NALF1: variants seen among roughly 807,000 people sequenced by gnomAD.
NALF1 encodes the protein NALCN channel auxiliary factor 1.
Under a neutral mutation model 48.4 loss-of-function variants are expected in NALF1, and 3 were observed. That is an observed-to-expected ratio of 0.06 (90% CI 0.03 to 0.16). The LOEUF is 0.16. Among genes scored for constraint, NALF1 ranks in the 10% least tolerant of loss-of-function variants. The probability of loss-of-function intolerance (pLI) is 1.00; values close to 1 mark genes in which losing one functional copy is unlikely to be tolerated. For synonymous variants in NALF1, 262 were observed against 245.7 expected (o/e 1.07, Z -0.62); for missense variants, 526 against 571.5 (o/e 0.92, Z 0.81).
At chr13:107,807,335 T>C (rs1321443460) in intron 1 of NALF1, among the ~76,000 whole-genome samples, 2 of 152,182 alleles carry the variant, frequency 1.3e-5, no homozygotes, top group Non-Finnish European at 2.9e-5. Flanking sequence ...CCTGGATGAC[T>C]CTGCAAGAAC....
At chr13:107,659,843 C>T (rs1236247501) in intron 1 of NALF1, among the ~76,000 whole-genome samples, 3 of 150,832 alleles carry the variant, frequency 2.0e-5, no homozygotes, top group Non-Finnish European at 4.4e-5. Flanking sequence ...TGTAGTCTCG[C>T]TCTGTTGCCC....
intron 1 of NALF1, among the ~76,000 whole-genome samples, chr13:107,730,433 T>C (rs1203069710): frequency 1.3e-5 from 2 of 152,192 alleles, no homozygotes; most frequent in African/African-American, 4.8e-5. Flanking sequence ...TTAAAAACAA[T>C]ATCTAAGCAC....
At position 107,173,493 on chromosome 13, in the gene NALF1, C is replaced by A. The variant is rs1878847223; in HGVS notation, c.1088-2707G>T. ...TAACTCATTCAACCCAAATGCATTGCCAGTTCTTTCAGCTGCATGAAGTGT... is the reference window on the plus strand; with the variant it reads ...TAACTCATTCAACCCAAATGCATTGACAGTTCTTTCAGCTGCATGAAGTGT... On this transcript the variant is annotated intron_variant, in intron 2 of 2. Coordinates refer to ENST00000375915, the MANE Select transcript of NALF1 (RefSeq NM_001080396.3). Among the ~76,000 whole-genome samples, 3 of 152,090 alleles carry A rather than the reference C, an allele frequency of 2.0e-5. No individual in the cohort carries two copies. The South Asian group carries it at 6.2e-4, about 32-fold the overall frequency.
At chr13:107,832,639 C>T (rs1879775095) in intron 1 of NALF1, among the ~76,000 whole-genome samples, 1 of 152,162 alleles carries the variant, frequency 6.6e-6, no homozygotes, top group African/African-American at 2.4e-5. Context: ...TCCTTCGCAA[C>T]TCCTCGTTCT....
chr13:107,735,710 C>T (rs996028962), intron 1 of NALF1, among the ~76,000 whole-genome samples: 1 of 152,158 alleles, frequency 6.6e-6, no homozygotes, highest in Admixed American at 6.5e-5. Context: ...GTACAAATAG[C>T]TGCAGTCTTA....
intron 1 of NALF1, among the ~76,000 whole-genome samples, chr13:107,470,850 TAA>T (rs1473847971): frequency 1.3e-5 from 2 of 152,144 alleles, no homozygotes; most frequent in Non-Finnish European, 1.5e-5. Flanking sequence ...AATAATAATA[TAA>T]GATTATTAAT....
At chr13:107,556,338 CATATAT>C (rs770324548) in intron 1 of NALF1, among the ~76,000 whole-genome samples, 1 of 147,586 alleles carries the variant, frequency 6.8e-6, no homozygotes, top group African/African-American at 2.5e-5. Flanking sequence ...TATACACACA[CATATAT>C]ATATATAGAG....
At chr13:107,697,146 A>G (rs1881718518) in intron 1 of NALF1, among the ~76,000 whole-genome samples, 1 of 152,310 alleles carries the variant, frequency 6.6e-6, no homozygotes, top group South Asian at 2.1e-4. Context: ...GTTACTGCCT[A>G]AGGTCACATA....
chr13:107,617,188 G>C (rs1027274199), intron 1 of NALF1, among the ~76,000 whole-genome samples: 2 of 152,096 alleles, frequency 1.3e-5, no homozygotes, highest in African/African-American at 2.4e-5. Context: ...CTTCAGAACT[G>C]AAGCATAAAG....
chr13:107,718,772 A>G (rs1875898701), intron 1 of NALF1, among the ~76,000 whole-genome samples: 1 of 152,198 alleles, frequency 6.6e-6, no homozygotes, highest in African/African-American at 2.4e-5. Flanking sequence ...TATGGCAGCC[A>G]ATAGCTACTT....
chr13:107,491,451 C>A (rs1277192796), intron 1 of NALF1, among the ~76,000 whole-genome samples: 1 of 143,516 alleles, frequency 7.0e-6, no homozygotes, highest in Non-Finnish European at 1.5e-5. Context: ...TCGGGCTCCA[C>A]TCAGGGAGCT....
chr13:107,167,408 G>A lies in NALF1; in HGVS notation c.*3089C>T, dbSNP rs186587346. Reference sequence around the variant, plus strand: ...GGATGTAGTGAAATCTGCATCATCAGTGATTGTTTCTGAGCTTGGGAAAGG... The same window carrying A: ...GGATGTAGTGAAATCTGCATCATCAATGATTGTTTCTGAGCTTGGGAAAGG... On this transcript the variant is annotated 3_prime_UTR_variant, in exon 3 of 3. Transcript: ENST00000375915. 6.6e-6 allele frequency: 1 copy of A among 152,324 alleles called. No individual in the cohort carries two copies. The highest frequency in any genetic ancestry group is 6.5e-5 in the Admixed American group (1 of 15,310). The allele number at this position is 152,324 out of a possible 1,614,324, so 9.4% of individuals were successfully genotyped here.
chr13:107,254,322 G>A lies in NALF1; in HGVS notation c.916-43567C>T, dbSNP rs146975058. Among the ~76,000 whole-genome samples, 490 of 152,224 alleles carry A rather than the reference G, an allele frequency of 3.2e-3. 4 individuals are homozygous for A. Among genetic ancestry groups the A allele is most frequent in the African/African-American group, 0.011 (452 of 41,544 alleles). ...TGGTTGTTGGGTGGAAAGCACGCAC[G>A]CTCAGCCTTACGCCATACTGAACAG... is the stretch of plus-strand genomic sequence containing the variant. On this transcript the variant is annotated intron_variant, in intron 1 of 2. Transcript: ENST00000375915.
chr13:107,763,709 A>G (rs1469943429), intron 1 of NALF1, among the ~76,000 whole-genome samples: 1 of 152,178 alleles, frequency 6.6e-6, no homozygotes, highest in African/African-American at 2.4e-5. Context: ...AGGGATACAC[A>G]ATGCAAACAT....
chr13:107,200,364 A>G (rs1262633889), intron 2 of NALF1, among the ~76,000 whole-genome samples: 1 of 152,090 alleles, frequency 6.6e-6, no homozygotes, highest in African/African-American at 2.4e-5. Context: ...ATGATGAATG[A>G]GCTCGGGGGG....
chr13:107,739,392 CAT>C (rs1876563422), intron 1 of NALF1, among the ~76,000 whole-genome samples: 1 of 147,520 alleles, frequency 6.8e-6, no homozygotes, highest in Non-Finnish European at 1.5e-5. Context: ...TAAAATATTA[CAT>C]ATTACATATG....
intron 1 of NALF1, among the ~76,000 whole-genome samples, chr13:107,434,356 G>A (rs1034327336): frequency 6.6e-6 from 1 of 152,030 alleles, no homozygotes; most frequent in African/African-American, 2.4e-5. Flanking sequence ...CTCAGTAAGT[G>A]AAGTGGGATC....
chr13:107,312,157 G>A (rs1256401073), intron 1 of NALF1, among the ~76,000 whole-genome samples: 1 of 152,112 alleles, frequency 6.6e-6, no homozygotes, highest in Non-Finnish European at 1.5e-5. Context: ...CAATAGCGAA[G>A]ACTTGGAACC....
chr13:107,568,898 A>C (rs574529484), intron 1 of NALF1, among the ~76,000 whole-genome samples: 1 of 152,272 alleles, frequency 6.6e-6, no homozygotes, highest in East Asian at 1.9e-4. Context: ...TTATCTTTAT[A>C]ACAGTCTTTT....
Sources: allele counts gnomAD v4.1 joint callset (sites outside exome capture counted in the v4.1 genomes callset), GRCh38; gene constraint gnomAD v4.1.1; transcripts MANE v1.5; gene names NCBI Gene and HGNC (gene_info 2026-07-23, HGNC 2026-07-21).